The following RAP1GAP2 variants were observed in gnomAD, a reference collection of about 807,000 sequenced individuals.
RAP1GAP2 encodes the protein rap1 GTPase-activating protein 2.
A neutral mutation model predicts 95.0 loss-of-function variants in RAP1GAP2; 27 were observed. That is an observed-to-expected ratio of 0.28 (90% CI 0.21 to 0.39). RAP1GAP2 has a LOEUF of 0.39. RAP1GAP2 is among the 10% of genes least tolerant of loss of function. The probability of loss-of-function intolerance (pLI) is 1.00; values close to 1 mark genes in which losing one functional copy is unlikely to be tolerated. For missense variants in RAP1GAP2, 771 were observed against 970.0 expected (o/e 0.79, Z 2.72); for synonymous variants, 373 against 380.9 (o/e 0.98, Z 0.24).
At chr17:2,941,458 G>C (rs2043493834) in intron 3 of RAP1GAP2, among the ~76,000 whole-genome samples, 1 of 150,528 alleles carries the variant, frequency 6.6e-6, no homozygotes, top group South Asian at 2.1e-4. Context: ...ACAAAAAAAA[G>C]ACCATGTGGC....
At chr17:2,995,525 T>C in intron 13 of RAP1GAP2, 59 bp downstream of exon 13, 1 of 1,601,468 alleles carries the variant, frequency 6.2e-7, no homozygotes, top group Non-Finnish European at 8.5e-7. Context: ...GGCCTGCCTC[T>C]GGTCTGACCT....
At chr17:2,760,716 C>G (rs565007980) in intron 1 of RAP1GAP2, among the ~76,000 whole-genome samples, 1 of 151,440 alleles carries the variant, frequency 6.6e-6, no homozygotes, top group African/African-American at 2.4e-5. Flanking sequence ...GGGCCCCATT[C>G]AAGATACCGC....
chr17:2,793,328 A>G (rs1191727690), upstream of RAP1GAP2, among the ~76,000 whole-genome samples: 1 of 151,988 alleles, frequency 6.6e-6, no homozygotes, highest in Admixed American at 6.6e-5. Flanking sequence ...TAATTTTTGT[A>G]CTTTTAGTAA....
At chr17:3,009,678 T>C (rs2046449875) in intron 17 of RAP1GAP2, among the ~76,000 whole-genome samples, 1 of 152,122 alleles carries the variant, frequency 6.6e-6, no homozygotes, top group Middle Eastern at 3.2e-3. Context: ...AAGATGCCTC[T>C]TGGGGTTGGG....
At position 2,796,541 on chromosome 17, in the gene RAP1GAP2, A is replaced by G; in HGVS notation, c.14A>G (p.Lys5Arg). 5.1e-6 allele frequency: 8 copies of G among 1,563,646 alleles called. No individual in the cohort carries two copies. Among genetic ancestry groups the G allele is most frequent in the Non-Finnish European group, 6.9e-6 (8 of 1,153,858 alleles). The change falls in exon 1 of 25, where the codon AAG (lysine) becomes AGG (arginine). Residue 5 changes from lysine (K) to arginine (R), a missense_variant. Physicochemically the swap from Lys to Arg is conservative, Grantham distance 26 (BLOSUM62 2). Coordinates refer to ENST00000254695, the MANE Select transcript of RAP1GAP2 (RefSeq NM_015085.5). The surrounding 1 kb of genome is among the most constrained non-coding windows in gnomAD (Gnocchi z 4.7). MFGR[K>R]RSVSFGGFGW... is the part of the protein sequence containing the mutation. ...GCAGCCACAACCATGTTTGGCCGGA[A>G]GCGCAGTGTCTCCTTTGGGGGCTTC...
At chr17:2,850,341 T>C (rs530578199) in intron 2 of RAP1GAP2, among the ~76,000 whole-genome samples, 3 of 152,090 alleles carry the variant, frequency 2.0e-5, no homozygotes, top group Non-Finnish European at 4.4e-5. Context: ...TTAGAGCCTT[T>C]GTCAGGCAAC....
intron 2 of RAP1GAP2, among the ~76,000 whole-genome samples, chr17:2,826,147 A>ATTTTTTTTTTTTTT (rs71150901): frequency 2.1e-4 from 23 of 108,854 alleles, no homozygotes; most frequent in Non-Finnish European, 3.1e-4. Flanking sequence ...CGCCCAGCAA[A>ATTTTTTTTTTTTTT]TTTTTTTTTT....
Position 2,929,370 on chromosome 17 carries a change from T to C in RAP1GAP2, c.165+24002T>C, listed in dbSNP as rs1003823226. Among the ~76,000 whole-genome samples the C allele has an allele frequency of 4.7e-4, 72 of 152,020 alleles. 1 individual carries two copies. The highest frequency in any genetic ancestry group is 1.7e-3 in the African/African-American group (70 of 41,472). ...CACAGGCGATGAGTGAGGGCTGGAA[T>C]CTGGCAATCCCCTGGCCCCGCCAGG... is the stretch of plus-strand genomic sequence containing the variant. On this transcript the variant is annotated intron_variant, in intron 3 of 24. Coordinates refer to ENST00000254695, the MANE Select transcript of RAP1GAP2 (RefSeq NM_015085.5).
intron 3 of RAP1GAP2, among the ~76,000 whole-genome samples, chr17:2,911,429 G>C (rs1228190825): frequency 6.6e-6 from 1 of 151,980 alleles, no homozygotes; most frequent in African/African-American, 2.4e-5. Flanking sequence ...GTGGTTTCCA[G>C]GCCCATATTT....
At chr17:2,966,917 G>C (rs2044627737) in intron 8 of RAP1GAP2, among the ~76,000 whole-genome samples, 2 of 152,170 alleles carry the variant, frequency 1.3e-5, no homozygotes, top group Admixed American at 1.3e-4. Context: ...CCTCCATTAG[G>C]ACTGGAAATG....
At chr17:2,908,325 C>T (rs1247364965) in intron 3 of RAP1GAP2, among the ~76,000 whole-genome samples, 1 of 152,174 alleles carries the variant, frequency 6.6e-6, no homozygotes, top group Admixed American at 6.5e-5. Context: ...CTTGGACATT[C>T]TGCTGAAGAT....
At chr17:2,776,823 C>CGGAGGAGGAGGAGGAGGAGGA (rs372983882), upstream of RAP1GAP2, among the ~76,000 whole-genome samples, 1 of 144,042 alleles carries the variant, frequency 6.9e-6, no homozygotes, top group Non-Finnish European at 1.5e-5. Flanking sequence ...CCCGCCGCCC[C>CGGAGGAGGAGGAGGAGGAGGA]GGAGGAGGAG....
rs530095253 is a variant in RAP1GAP2, at chr17:2,866,808, C to T, written c.81-38476C>T. Among the ~76,000 whole-genome samples, 11 of 152,202 alleles carry T rather than the reference C, an allele frequency of 7.2e-5. No homozygotes were observed. The East Asian group carries it at 1.2e-3, about 16-fold the overall frequency. On this transcript the variant is annotated intron_variant, in intron 2 of 24. Transcript: ENST00000254695. The surrounding 1 kb of genome is among the most constrained non-coding windows in gnomAD (Gnocchi z 4.0). The stretch of plus-strand genomic sequence containing the variant: ...AGAGATGGGGTTTCACCACGTTGGC[C>T]GGGCTGGTCTCGAACTCCTGGCCTC...
At chr17:2,859,952 A>T (rs1293588420) in intron 2 of RAP1GAP2, among the ~76,000 whole-genome samples, 4 of 148,464 alleles carry the variant, frequency 2.7e-5, no homozygotes, top group African/African-American at 5.0e-5. Flanking sequence ...TTTTGGCAAG[A>T]TCGTGCCATT....
At chr17:2,803,041 G>A (rs1263506777) in intron 2 of RAP1GAP2, among the ~76,000 whole-genome samples, 1 of 152,238 alleles carries the variant, frequency 6.6e-6, no homozygotes. Context: ...GCTAAGGGGT[G>A]TAGAGTGGTC....
chr17:2,916,371 A>G (rs1049141508), intron 3 of RAP1GAP2, among the ~76,000 whole-genome samples: 28 of 152,222 alleles, frequency 1.8e-4, no homozygotes, highest in African/African-American at 6.8e-4. Context: ...CCTGTTCAAC[A>G]AAGCACCGTA....
intron 2 of RAP1GAP2, among the ~76,000 whole-genome samples, chr17:2,815,016 C>T (rs748514466): frequency 5.3e-5 from 8 of 152,138 alleles, no homozygotes; most frequent in East Asian, 1.9e-4. Context: ...GGCAGCTGAA[C>T]GTAGGCTGGA....
chr17:2,977,772 A>G (rs994793396), intron 8 of RAP1GAP2, among the ~76,000 whole-genome samples: 1 of 144,934 alleles, frequency 6.9e-6, no homozygotes, highest in Non-Finnish European at 1.5e-5. Flanking sequence ...AAAAAAAAAA[A>G]GATGAGAAGC....
intron 2 of RAP1GAP2, among the ~76,000 whole-genome samples, chr17:2,853,103 G>C (rs1397090285): frequency 6.6e-6 from 1 of 152,140 alleles, no homozygotes; most frequent in Admixed American, 6.5e-5. Context: ...GGGAGAGCCA[G>C]TGTTCGCGGG....
Sources: gnomAD v4.1 joint callset for allele counts (sites outside exome capture counted in the v4.1 genomes callset) on GRCh38, gnomAD v4.1.1 for gene constraint, Gnocchi (gnomAD v3.1) non-coding constraint, MANE v1.5 for transcripts, NCBI Gene and HGNC (gene_info 2026-07-23, HGNC 2026-07-21) for gene names.